SPAG16: variants seen among roughly 807,000 people sequenced by gnomAD.
SPAG16 encodes the protein sperm associated antigen 16.
Under a neutral mutation model 80.4 loss-of-function variants are expected in SPAG16, and 86 were observed. The observed-to-expected ratio is 1.07, with a 90% CI of 0.90 to 1.28. The LOEUF is 1.28. Ranked by LOEUF, SPAG16 falls within the 50% of genes most tolerant of loss-of-function variation. SPAG16 has a pLI of 0.00. For missense variants in SPAG16, 870 were observed against 765.3 expected (o/e 1.14, Z -1.61); for synonymous variants, 294 against 265.9 (o/e 1.11, Z -1.03).
At chr2:213,775,054 G>T (rs529965679) in intron 10 of SPAG16, among the ~76,000 whole-genome samples, 14 of 152,284 alleles carry the variant, frequency 9.2e-5, no homozygotes, top group African/African-American at 2.9e-4. Flanking sequence ...TTGTTAGTGA[G>T]CTCAGATTCT....
intron 10 of SPAG16, among the ~76,000 whole-genome samples, chr2:213,610,763 T>C (rs2061416831): frequency 6.6e-6 from 1 of 152,176 alleles, no homozygotes; most frequent in Admixed American, 6.5e-5. Flanking sequence ...TGCTTGTATA[T>C]ATATAGGATT....
intron 7 of SPAG16, among the ~76,000 whole-genome samples, chr2:213,355,956 A>G (rs534131108): frequency 8.3e-4 from 127 of 152,154 alleles, no homozygotes; most frequent in Non-Finnish European, 1.6e-3. Context: ...CCAGTTTTCA[A>G]AGGGAATGCT....
chr2:213,420,614 AT>A (rs756670363), intron 9 of SPAG16, among the ~76,000 whole-genome samples: 8 of 152,214 alleles, frequency 5.3e-5, no homozygotes, highest in Non-Finnish European at 8.8e-5. Flanking sequence ...GAATTAAATA[AT>A]TGTCTTAAGG....
intron 10 of SPAG16, among the ~76,000 whole-genome samples, chr2:213,514,302 A>G (rs1017196939): frequency 6.6e-6 from 1 of 152,130 alleles, no homozygotes; most frequent in African/African-American, 2.4e-5. Context: ...AGTTGACTTT[A>G]CTTCCTAAAT....
At chr2:214,374,265 A>T (rs1699993775) in intron 15 of SPAG16, among the ~76,000 whole-genome samples, 1 of 152,216 alleles carries the variant, frequency 6.6e-6, no homozygotes, top group Non-Finnish European at 1.5e-5. Context: ...TCTAGAAATG[A>T]CTCTAAAAAA....
At chr2:213,812,574 A>G (rs1237453052) in intron 10 of SPAG16, among the ~76,000 whole-genome samples, 2 of 152,206 alleles carry the variant, frequency 1.3e-5, no homozygotes, top group Admixed American at 1.3e-4. Flanking sequence ...GGTGCAGGGC[A>G]GTGCATTAGT....
chr2:213,812,347 G>A (rs1245045031), intron 10 of SPAG16, among the ~76,000 whole-genome samples: 5 of 152,194 alleles, frequency 3.3e-5, no homozygotes, highest in Non-Finnish European at 7.3e-5. Flanking sequence ...CCAGAGTGTG[G>A]CAGAGGAAGC....
intron 6 of SPAG16, among the ~76,000 whole-genome samples, chr2:213,343,438 G>A (rs530468152): frequency 2.6e-5 from 4 of 152,208 alleles, no homozygotes; most frequent in African/African-American, 9.6e-5. Flanking sequence ...TCAGACAAGT[G>A]TATGTCCAAC....
chr2:213,749,871 A>G (rs1033997888), intron 10 of SPAG16, among the ~76,000 whole-genome samples: 2 of 152,170 alleles, frequency 1.3e-5, no homozygotes, highest in African/African-American at 4.8e-5. Flanking sequence ...CTTACACTAT[A>G]AGAGCCTATG....
At chr2:213,627,891 CACTGTT>C (rs1414858495) in intron 10 of SPAG16, among the ~76,000 whole-genome samples, 2 of 152,220 alleles carry the variant, frequency 1.3e-5, no homozygotes, top group African/African-American at 4.8e-5. Context: ...TTCGCAGCAT[CACTGTT>C]ACTATTCTTT....
At chr2:214,163,711 G>C (rs1559096488) in intron 15 of SPAG16, among the ~76,000 whole-genome samples, 2 of 151,768 alleles carry the variant, frequency 1.3e-5, no homozygotes, top group Admixed American at 6.6e-5. Context: ...TGCGGGGGCT[G>C]GCAATTGTGA....
chr2:214,142,558 C>T (rs772743206), intron 14 of SPAG16, among the ~76,000 whole-genome samples: 5 of 152,100 alleles, frequency 3.3e-5, no homozygotes, highest in Admixed American at 6.6e-5. Context: ...TTGTAACTAT[C>T]TCCTTTGCCC....
chr2:214,351,719 C>CAA (rs56113142), intron 15 of SPAG16, among the ~76,000 whole-genome samples: 35 of 148,632 alleles, frequency 2.4e-4, no homozygotes, highest in African/African-American at 5.6e-4. Context: ...AACAAACAAA[C>CAA]AAAAAAAACA....
intron 9 of SPAG16, among the ~76,000 whole-genome samples, chr2:213,434,964 T>A (rs1057288026): frequency 2.0e-5 from 3 of 152,180 alleles, no homozygotes; most frequent in Non-Finnish European, 2.9e-5. Flanking sequence ...ACTAGGTATC[T>A]ACCCAAAAGA....
chr2:214,389,860 T>C (rs1440440721), intron 15 of SPAG16, among the ~76,000 whole-genome samples: 1 of 152,210 alleles, frequency 6.6e-6, no homozygotes. Flanking sequence ...CATCATATCA[T>C]TGACATTCTT....
chr2:213,834,611 G>A (rs576668301), intron 10 of SPAG16, among the ~76,000 whole-genome samples: 6 of 152,146 alleles, frequency 3.9e-5, no homozygotes, highest in African/African-American at 1.4e-4. Context: ...TTTGTGGGAG[G>A]GGAGTTCTAG....
Position 213,711,052 on chromosome 2 carries a change from G to A in SPAG16, c.1071-151433G>A, listed in dbSNP as rs546221105. ...TTTTAGTGCATTTGTAATATGCTAA[G>A]TATTTGATATATTCCTTGTAAAAGA... On this transcript the variant is annotated intron_variant, in intron 10 of 15. Coordinates refer to ENST00000331683, the MANE Select transcript of SPAG16 (RefSeq NM_024532.5). Among the ~76,000 whole-genome samples, 333 of 152,194 alleles carry A rather than the reference G, an allele frequency of 2.2e-3. 1 individual carries two copies. Among genetic ancestry groups the A allele is most frequent in the Non-Finnish European group, 4.0e-3 (270 of 68,002 alleles).
intron 9 of SPAG16, among the ~76,000 whole-genome samples, chr2:213,429,058 T>A (rs888650627): frequency 3.4e-5 from 5 of 148,998 alleles, no homozygotes; most frequent in African/African-American, 7.5e-5. Flanking sequence ...CAACACTGTA[T>A]GCCAGCCTGG....
intron 10 of SPAG16, among the ~76,000 whole-genome samples, chr2:213,712,147 A>T (rs1403251894): frequency 6.6e-6 from 1 of 152,154 alleles, no homozygotes; most frequent in Admixed American, 6.5e-5. Flanking sequence ...GTGTATGTAT[A>T]CATGTATATG....
Sources: allele counts gnomAD v4.1 joint callset (sites outside exome capture counted in the v4.1 genomes callset), GRCh38; gene constraint gnomAD v4.1.1; transcripts MANE v1.5; gene names NCBI Gene and HGNC (gene_info 2026-07-23, HGNC 2026-07-21).